CFAP61: variants seen among roughly 807,000 people sequenced by gnomAD.
CFAP61 encodes the protein cilia- and flagella-associated protein 61.
A neutral mutation model predicts 135.6 loss-of-function variants in CFAP61; 107 were observed. The observed-to-expected ratio is 0.79, with a 90% CI of 0.67 to 0.93. CFAP61 has a LOEUF of 0.93. Among genes scored for constraint, CFAP61 ranks in the 40% least tolerant of loss-of-function variants. The pLI is 0.00. For synonymous variants in CFAP61, 575 were observed against 578.5 expected (o/e 0.99, Z 0.09); for missense variants, 1,507 against 1,556.2 (o/e 0.97, Z 0.53).
chr20:20,315,528 G>A (rs1355083609), intron 25 of CFAP61, among the ~76,000 whole-genome samples: 5 of 152,044 alleles, frequency 3.3e-5, no homozygotes, highest in African/African-American at 1.2e-4. Context: ...CTGTGCAGAA[G>A]CTCTTGAGTT....
At chr20:20,348,689 CAAAAAA>C (rs71198052) in intron 26 of CFAP61, among the ~76,000 whole-genome samples, 849 of 53,442 alleles carry the variant, frequency 0.016, 10 homozygotes, top group African/African-American at 0.059. Context: ...GACTCCGTAT[CAAAAAA>C]AAAAAAAAAA....
At chr20:20,074,898 G>T (rs868414480) in intron 4 of CFAP61, among the ~76,000 whole-genome samples, 2 of 152,114 alleles carry the variant, frequency 1.3e-5, no homozygotes, top group African/African-American at 4.8e-5. Context: ...CAGATGCCAG[G>T]TCAAAGGTTA....
Position 20,277,400 on chromosome 20 carries a change from A to G in CFAP61, c.2738A>G (p.Asp913Gly), listed in dbSNP as rs1306138423. 5.0e-6 allele frequency: 8 copies of G among 1,613,776 alleles called. No homozygotes were observed. Among genetic ancestry groups the G allele is most frequent in the Non-Finnish European group, 6.8e-6 (8 of 1,179,948 alleles). ...CAGTGGAATGACGGCCTGCACCCAG[A>G]CCCCATCTACAGCGCCTCCTTCACC... ...LAQWNDGLHP[D>G]PIYSASFTTP... is the part of the protein sequence containing the mutation. The change falls in exon 22 of 27, where the codon GAC becomes GGC. Residue 913 changes from aspartate (D) to glycine (G), a missense_variant. Coordinates refer to ENST00000245957, the MANE Select transcript of CFAP61 (RefSeq NM_015585.4).
intron 26 of CFAP61, among the ~76,000 whole-genome samples, chr20:20,342,154 A>T (rs1260022831): frequency 6.6e-6 from 1 of 152,172 alleles, no homozygotes; most frequent in Non-Finnish European, 1.5e-5. Context: ...CTTTTTTTAA[A>T]GAACTGTATT....
intron 25 of CFAP61, among the ~76,000 whole-genome samples, chr20:20,308,096 C>T (rs1426373385): frequency 6.6e-6 from 1 of 152,210 alleles, no homozygotes; most frequent in East Asian, 1.9e-4. Flanking sequence ...TGAGAGTCAA[C>T]TGCCCCACGT....
intron 13 of CFAP61, among the ~76,000 whole-genome samples, chr20:20,170,398 A>G (rs931822377): frequency 2.1e-4 from 9 of 42,904 alleles, no homozygotes; most frequent in Non-Finnish European, 5.3e-4. Flanking sequence ...AAGAGCTTTA[A>G]TGAATCAATA....
Position 20,355,643 on chromosome 20 carries a change from G to T in CFAP61, c.3514-4567G>T, listed in dbSNP as rs540377802. 9.8e-3 allele frequency among the ~76,000 whole-genome samples: 1,385 copies of T among 141,984 alleles called. 19 individuals carry two copies. The highest frequency in any genetic ancestry group is 0.036 in the African/African-American group (1,299 of 36,396). 93.1% of individuals were successfully genotyped at this position (141,984 alleles called of 152,430 possible). On this transcript the variant is annotated intron_variant, in intron 26 of 26. Transcript: ENST00000245957. The stretch of plus-strand genomic sequence containing the variant: ...GGGGAGAAGGTCACACTAAGGGGAG[G>T]TAGTCACACTGTGAGGGGAGGTGAT...
chr20:20,107,128 C>G (rs2048464279), intron 8 of CFAP61, among the ~76,000 whole-genome samples: 1 of 152,230 alleles, frequency 6.6e-6, no homozygotes, highest in South Asian at 2.1e-4. Context: ...ACTGTGAGTT[C>G]TGTTTACAAA....
chr20:20,221,793 T>C (rs1474775383), intron 17 of CFAP61: 1 of 152,232 alleles, frequency 6.6e-6, no homozygotes. Flanking sequence ...ATGACTAATA[T>C]TTGCTTCACT....
intron 26 of CFAP61, among the ~76,000 whole-genome samples, chr20:20,343,781 G>A (rs2058534724): frequency 6.6e-6 from 1 of 152,156 alleles, no homozygotes; most frequent in African/African-American, 2.4e-5. Context: ...TGTGCACAAA[G>A]CCAGGGGGTT....
chr20:20,294,159 C>T (rs2055213456), intron 24 of CFAP61, among the ~76,000 whole-genome samples: 1 of 152,180 alleles, frequency 6.6e-6, no homozygotes, highest in African/African-American at 2.4e-5. Flanking sequence ...GCAAAATAAT[C>T]GTCCTGACCC....
At chr20:20,301,979 G>T (rs1005079487) in intron 25 of CFAP61, among the ~76,000 whole-genome samples, 6 of 152,062 alleles carry the variant, frequency 3.9e-5, no homozygotes, top group Non-Finnish European at 8.8e-5. Context: ...AGATCAATTA[G>T]GCAAGAATTG....
intron 25 of CFAP61, among the ~76,000 whole-genome samples, chr20:20,307,800 G>A (rs1399851452): frequency 6.6e-6 from 1 of 152,162 alleles, no homozygotes; most frequent in Non-Finnish European, 1.5e-5. Flanking sequence ...TAGAATAAAT[G>A]TACTAAGATG....
chr20:20,288,931 T>A lies in CFAP61; in HGVS notation c.3119T>A (p.Ile1040Asn), dbSNP rs753549658. The change falls in exon 23 of 27, where the codon ATT becomes AAT. Residue 1040 changes from isoleucine to asparagine, a missense_variant. Ile to Asn is a moderately radical substitution (Grantham distance 149). Transcript: ENST00000245957. ...RLIPMYKGAK[I>N]QGGILPGSYH... ...ATCCCCATGTACAAGGGAGCCAAGA[T>A]TCAAGGTATACGAGTAGGCTTCCTT... The A allele has an allele frequency of 3.7e-6, 6 of 1,605,628 alleles. No individual in the cohort carries two copies. The highest frequency in any genetic ancestry group is 4.3e-6 in the Non-Finnish European group (5 of 1,172,928).
chr20:20,262,327 CTCTT>C (rs2052311166), intron 20 of CFAP61, among the ~76,000 whole-genome samples: 1 of 152,178 alleles, frequency 6.6e-6, no homozygotes, highest in Non-Finnish European at 1.5e-5. Context: ...TATTGGCTCT[CTCTT>C]TCTCAGAACA....
chr20:20,216,614 T>C (rs563122344), intron 17 of CFAP61, among the ~76,000 whole-genome samples: 6 of 152,360 alleles, frequency 3.9e-5, no homozygotes, highest in African/African-American at 1.2e-4. Flanking sequence ...AGTATTGTTA[T>C]TGCTGTTTGC....
chr20:20,221,973 G>A (rs1349390327), intron 17 of CFAP61: 1 of 152,150 alleles, frequency 6.6e-6, no homozygotes, highest in Non-Finnish European at 1.5e-5. Context: ...TTGAAGTGAT[G>A]ACAATGAACA....
chr20:20,246,762 A>C (rs1034679126), intron 19 of CFAP61, among the ~76,000 whole-genome samples: 1 of 152,248 alleles, frequency 6.6e-6, no homozygotes, highest in Admixed American at 6.5e-5. Context: ...ACATGGCTAC[A>C]AGAAATATTA....
chr20:20,091,812 G>GGATAT (rs1192613987), intron 7 of CFAP61, among the ~76,000 whole-genome samples: 1 of 152,070 alleles, frequency 6.6e-6, no homozygotes, highest in African/African-American at 2.4e-5. Context: ...CTAGTAGCTG[G>GGATAT]GATTACAGGT....
Sources: gnomAD v4.1 joint callset for allele counts (sites outside exome capture counted in the v4.1 genomes callset) on GRCh38, gnomAD v4.1.1 for gene constraint, MANE v1.5 for transcripts, NCBI Gene and HGNC (gene_info 2026-07-23, HGNC 2026-07-21) for gene names.